The following SCAMP4 variants were observed in gnomAD, a reference collection of about 807,000 sequenced individuals.
The protein encoded by SCAMP4 is secretory carrier membrane protein 4, also known as secretory carrier-associated membrane protein 4.
A neutral mutation model predicts 32.1 loss-of-function variants in SCAMP4; 19 were observed. That is an observed-to-expected ratio of 0.59 (90% CI 0.41 to 0.87). SCAMP4 has a LOEUF of 0.87. Ranked by LOEUF, SCAMP4 falls within the 40% of genes least tolerant of loss-of-function variation. The pLI, the probability that SCAMP4 is intolerant of heterozygous loss-of-function variation, is 0.00. For missense variants in SCAMP4, 302 were observed against 309.0 expected, an observed-to-expected ratio of 0.98 and a Z score of 0.17; for synonymous variants, 152 against 132.7, an observed-to-expected ratio of 1.15 and a Z score of -1.00.
chr19:1,919,407 C>T (rs2013846603), intron 5 of SCAMP4: 34 of 985,308 alleles, frequency 3.5e-5, no homozygotes, highest in South Asian at 4.7e-5. Flanking sequence ...TGTTACCACA[C>T]CTGAGAAACT....
intron 2 of SCAMP4, among the ~76,000 whole-genome samples, chr19:1,915,868 C>T (rs1338389490): frequency 1.3e-5 from 2 of 150,530 alleles, no homozygotes; most frequent in African/African-American, 2.5e-5. Context: ...ATGGTGTGAA[C>T]CCGGGAGGCG....
intron 5 of SCAMP4, 41 bp from the exon 6 acceptor site, chr19:1,923,029 G>A: frequency 6.7e-7 from 1 of 1,495,554 alleles, no homozygotes. Flanking sequence ...CCCTCATCCA[G>A]CAGGTGTGCA....
intron 6 of SCAMP4, among the ~76,000 whole-genome samples, chr19:1,923,566 G>GA (rs1285961168): frequency 1.3e-5 from 2 of 150,982 alleles, no homozygotes; most frequent in Non-Finnish European, 3.0e-5. Flanking sequence ...GAAGATAGCG[G>GA]AAGTGTTGAG....
rs1568771957 is a variant in SCAMP4, at chr19:1,918,882, T to G, written c.294-7T>G. The G allele has an allele frequency of 6.3e-7, 1 of 1,598,534 alleles. No individual in the cohort carries two copies. Among genetic ancestry groups the G allele is most frequent in the Admixed American group, 1.7e-5 (1 of 57,344 alleles). ...TGGTAACCGTCGTGTTTTCTGTCCC[T>G]CCCCAGAGCCGACAGCTCCTTTAAT... On this transcript the variant is annotated splice_region_variant and splice_polypyrimidine_tract_variant and intron_variant, in intron 4 of 6. Coordinates refer to ENST00000316097, the MANE Select transcript of SCAMP4 (RefSeq NM_079834.4).
Position 1,923,214 on chromosome 19 carries a change from G to T in SCAMP4, c.513+27G>T, listed in dbSNP as rs776609914. Reference sequence around the variant, plus strand: ...TGAGTCCTCGGCTTTGTGACGTCCAGCCCTTACCCCTTCTCCATGAACCTC... The same window carrying T: ...TGAGTCCTCGGCTTTGTGACGTCCATCCCTTACCCCTTCTCCATGAACCTC... On this transcript the variant is annotated intron_variant, in intron 6 of 6. Coordinates refer to ENST00000316097, the MANE Select transcript of SCAMP4 (RefSeq NM_079834.4). 53 of 1,521,422 alleles carry T rather than the reference G, an allele frequency of 3.5e-5. 1 individual carries two copies. The highest frequency in any genetic ancestry group is 1.2e-4 in the Admixed American group (6 of 49,012). 94.2% of individuals were successfully genotyped at this position (1,521,422 alleles called of 1,614,324 possible).
chr19:1,913,465 G>A, intron 1 of SCAMP4: 1 of 467,896 alleles, frequency 2.1e-6, no homozygotes, highest in Non-Finnish European at 3.9e-6. Flanking sequence ...TCTGTTAGGA[G>A]GTGTGTGCCT....
At chr19:1,914,503 A>G in intron 1 of SCAMP4, 1 of 175,772 alleles carries the variant, frequency 5.7e-6, no homozygotes, top group Non-Finnish European at 1.2e-5. Flanking sequence ...AGGATCACGG[A>G]AGCAGCTAGA....
At chr19:1,907,462 G>T (rs1343052284) in intron 1 of SCAMP4, among the ~76,000 whole-genome samples, 1 of 152,036 alleles carries the variant, frequency 6.6e-6, no homozygotes, top group African/African-American at 2.4e-5. Context: ...GAGGAGTCAG[G>T]ACTGGTGCCT....
At chr19:1,916,359 A>C (rs1047208456) in intron 2 of SCAMP4, among the ~76,000 whole-genome samples, 1 of 152,186 alleles carries the variant, frequency 6.6e-6, no homozygotes, top group Non-Finnish European at 1.5e-5. Context: ...TGAGAGAGGC[A>C]GGAAGGCTCC....
intron 5 of SCAMP4, chr19:1,919,650 C>G (rs1276253011): frequency 6.1e-6 from 1 of 164,338 alleles, no homozygotes; most frequent in Non-Finnish European, 1.3e-5. Flanking sequence ...GCGCCCGCCA[C>G]CACGCCTGGC....
chr19:1,913,394 T>C lies in SCAMP4; in HGVS notation c.-41-1585T>C, dbSNP rs553723276. On this transcript the variant is annotated intron_variant, in intron 1 of 6. Transcript: ENST00000316097. ...GCCCTTGCTGCGTTTGTGTCCCCTC[T>C]GTCTCGCGGGCCGGGAAACTGCTCT... is the stretch of plus-strand genomic sequence containing the variant. 12 of 609,854 alleles carry C rather than the reference T, an allele frequency of 2.0e-5. 1 individual carries two copies. The East Asian group carries it at 3.0e-4, about 15-fold the overall frequency. 37.8% of individuals were successfully genotyped at this position (609,854 alleles called of 1,614,324 possible). A position where few individuals can be genotyped will look rare whatever the true frequency, so the allele number is the denominator to read the frequency against.
At chr19:1,918,315 C>A in intron 4 of SCAMP4, 32 bp downstream of exon 4, 1 of 1,550,674 alleles carries the variant, frequency 6.4e-7, no homozygotes. Context: ...CGTCTGCACC[C>A]AGAGGGAACC....
At position 1,912,914 on chromosome 19, in the gene SCAMP4, C is replaced by T. The variant is rs188235892; in HGVS notation, c.-41-2065C>T. The T allele has an allele frequency of 9.9e-6, 16 of 1,609,502 alleles. No individual in the cohort carries two copies. Among genetic ancestry groups the T allele is most frequent in the Middle Eastern group, 1.7e-4 (1 of 6,056 alleles). On this transcript the variant is annotated intron_variant, in intron 1 of 6. Transcript: ENST00000316097. The stretch of plus-strand genomic sequence containing the variant: ...TGCGTAAACTGGACGCAGACGAGGA[C>T]GGCCTCCCCTACCTGTGCACTGGCT...
intron 5 of SCAMP4, chr19:1,922,475 T>TGG (rs1043658811): frequency 3.0e-5 from 27 of 906,228 alleles, no homozygotes; most frequent in Non-Finnish European, 3.6e-5. Context: ...CCTCAAGTGA[T>TGG]CCGCCCGCCT....
intron 5 of SCAMP4, chr19:1,920,985 G>A (rs1041930016): frequency 7.1e-6 from 7 of 985,404 alleles, no homozygotes; most frequent in South Asian, 4.7e-5. Flanking sequence ...CTGAGCATGC[G>A]GTCCCTGCCC....
In SCAMP4 at chr19:1,905,426, C is replaced by A. The variant is rs1218421891; in HGVS notation, c.-55C>A. 4 of 463,324 alleles carry A rather than the reference C, an allele frequency of 8.6e-6. No homozygotes were observed. The allele number at this position is 463,324 out of a possible 1,614,324, so 28.7% of individuals were successfully genotyped here. ...GACTTGGCGAAGCGCTGCGCTCGCG[C>A]CCGGATCCCTCAGGTAAGCGCGCGG... On this transcript the variant is annotated 5_prime_UTR_variant, in exon 1 of 7. Transcript: ENST00000316097.
At chr19:1,918,306 G>A (rs781263917) in intron 4 of SCAMP4, 23 bp downstream of exon 4, 22 of 1,570,588 alleles carry the variant, frequency 1.4e-5, no homozygotes, top group African/African-American at 4.0e-5. Context: ...GCCGGGGGCC[G>A]TCTGCACCCA....
Position 1,924,237 on chromosome 19 carries a change from G to C in SCAMP4, c.643G>C (p.Glu215Gln). The C allele has an allele frequency of 1.2e-6, 2 of 1,605,496 alleles. No homozygotes were observed. The highest frequency in any genetic ancestry group is 8.5e-7 in the Non-Finnish European group (1 of 1,176,262). Residue 215 changes from glutamate (E) to glutamine (Q), a missense_variant, in exon 7 of 7, where the codon GAG becomes CAG. By Grantham distance (29) the Glu-to-Gln change is conservative. Transcript: ENST00000316097. ...CAACTTCTCAGGCAACAGCCTGCCCGAGTACCCCACTGTGCCCAGCTACCC... is the reference window on the plus strand; with the variant it reads ...CAACTTCTCAGGCAACAGCCTGCCCCAGTACCCCACTGTGCCCAGCTACCC... ...YNNFSGNSLP[E>Q]YPTVPSYPGS... is the part of the protein sequence containing the mutation.
At position 1,913,921 on chromosome 19, in the gene SCAMP4, G is replaced by A. The variant is rs894116934; in HGVS notation, c.-41-1058G>A. The stretch of plus-strand genomic sequence containing the variant: ...CCCCAGCCCATAGGGGAGGGGATCC[G>A]GCAGGTGGGGGCTCTGCGTGGGGAG... On this transcript the variant is annotated intron_variant, in intron 1 of 6. Coordinates refer to ENST00000316097, the MANE Select transcript of SCAMP4 (RefSeq NM_079834.4). Among the ~76,000 whole-genome samples, 13 of 152,282 alleles carry A rather than the reference G, an allele frequency of 8.5e-5. No homozygotes were observed. In the East Asian group the frequency reaches 1.4e-3, roughly 16 times the overall value.
Sources: allele counts gnomAD v4.1 joint callset (sites outside exome capture counted in the v4.1 genomes callset), GRCh38; gene constraint gnomAD v4.1.1; transcripts MANE v1.5; gene names NCBI Gene and HGNC (gene_info 2026-07-23, HGNC 2026-07-21).